The following TRMT10A variants were observed in gnomAD, a reference collection of about 807,000 sequenced individuals.
The protein encoded by TRMT10A is tRNA methyltransferase 10A.
Under a neutral mutation model 40.4 loss-of-function variants are expected in TRMT10A, and 37 were observed. The observed-to-expected ratio is 0.92, with a 90% CI of 0.71 to 1.21. The LOEUF is 1.21. TRMT10A is among the 50% of genes most tolerant of loss of function. The pLI is 0.00. For synonymous variants in TRMT10A, 103 were observed against 134.1 expected (o/e 0.77, Z 1.60); for missense variants, 388 against 404.3 (o/e 0.96, Z 0.35).
intron 1 of TRMT10A, among the ~76,000 whole-genome samples, chr4:99,560,856 C>T (rs1222779231): frequency 6.6e-6 from 1 of 152,008 alleles, no homozygotes; most frequent in African/African-American, 2.4e-5. Context: ...TAATAATATT[C>T]CAAGAGAGTA....
chr4:99,553,701 CATT>C lies in TRMT10A; in HGVS notation c.645+81_645+83del, dbSNP rs760720808. On this transcript the variant is annotated intron_variant, in intron 6 of 7. Coordinates refer to ENST00000394876, the MANE Select transcript of TRMT10A (RefSeq NM_001134665.3). The stretch of plus-strand genomic sequence containing the variant: ...TAGGCACTCAATAAAGATGAGCTAT[CATT>C]AGTATTATTGTTACTTTCAGGAAAT... 5.0e-4 allele frequency: 662 copies of C among 1,327,864 alleles called. 2 individuals carry two copies. The highest frequency in any genetic ancestry group is 8.0e-4 in the Admixed American group (35 of 43,824). The allele number at this position is 1,327,864 out of a possible 1,614,324, so 82.3% of individuals were successfully genotyped here.
chr4:99,549,301 A>G lies in TRMT10A; in HGVS notation c.807T>C (p.Phe269=), dbSNP rs778778157. 123 of 1,614,124 alleles carry G rather than the reference A, an allele frequency of 7.6e-5. No individual in the cohort carries two copies. In the East Asian group the frequency reaches 2.7e-3, roughly 35 times the overall value. Residue 269 remains phenylalanine (F), a synonymous_variant, in exon 8 of 8, where the codon TTT becomes TTC. Transcript: ENST00000394876. The part of the protein sequence containing the change: ...LETRDWQEAF[F]TILPQRKGAV... ...CTCCTTTCCGTTGGGGCAAGATAGT[A>G]AAAAATGCTTCTTGCCAGTCTCTTG...
chr4:99,562,428 GAC>G, intron 1 of TRMT10A, among the ~76,000 whole-genome samples: 1 of 149,272 alleles, frequency 6.7e-6, no homozygotes, highest in South Asian at 2.1e-4. Flanking sequence ...GTTAATTTAT[GAC>G]AGTCTCCTTT....
intron 1 of TRMT10A, among the ~76,000 whole-genome samples, chr4:99,563,046 C>A (rs181795621): frequency 6.6e-6 from 1 of 152,278 alleles, no homozygotes; most frequent in Non-Finnish European, 1.5e-5. Flanking sequence ...GTCCCGAACT[C>A]CTGACCTCAG....
chr4:99,555,912 C>T lies in TRMT10A; in HGVS notation c.495+234G>A, dbSNP rs543903324. Among the ~76,000 whole-genome samples, 7 of 152,142 alleles carry T rather than the reference C, an allele frequency of 4.6e-5. No homozygotes were observed. In the East Asian group the frequency reaches 5.8e-4, roughly 13 times the overall value. ...TTAAAATTATTTCTTTTTAAAAATACGTTTTAAAAGTTGACCATAAAATAG... is the reference window on the plus strand; with the variant it reads ...TTAAAATTATTTCTTTTTAAAAATATGTTTTAAAAGTTGACCATAAAATAG... On this transcript the variant is annotated intron_variant, in intron 5 of 7. Transcript: ENST00000394876.
At chr4:99,562,729 G>A (rs1007398786) in intron 1 of TRMT10A, among the ~76,000 whole-genome samples, 1 of 151,928 alleles carries the variant, frequency 6.6e-6, no homozygotes. Flanking sequence ...GTTTCACCAC[G>A]TTGGCCTGGA....
At chr4:99,551,613 C>A (rs1054931715) in intron 6 of TRMT10A, among the ~76,000 whole-genome samples, 5 of 151,934 alleles carry the variant, frequency 3.3e-5, no homozygotes, top group African/African-American at 1.2e-4. Flanking sequence ...ATAAATGTTA[C>A]CTGTTATGTA....
intron 1 of TRMT10A, among the ~76,000 whole-genome samples, chr4:99,559,581 T>A (rs1396707466): frequency 6.6e-6 from 1 of 152,200 alleles, no homozygotes; most frequent in Non-Finnish European, 1.5e-5. Context: ...CTACTGGTGG[T>A]CATGGTACAA....
At chr4:99,554,355 T>C (rs1315264360) in intron 5 of TRMT10A, among the ~76,000 whole-genome samples, 1 of 152,220 alleles carries the variant, frequency 6.6e-6, no homozygotes, top group African/African-American at 2.4e-5. Context: ...TACTGCCACA[T>C]ATTTGCTCAC....
chr4:99,559,496 T>C (rs1724299854), intron 1 of TRMT10A, 135 bp from the exon 2 acceptor site: 1 of 629,212 alleles, frequency 1.6e-6, no homozygotes, highest in Non-Finnish European at 2.6e-6. Flanking sequence ...GTAAATATCA[T>C]TTAAATACCA....
chr4:99,547,112 G>T lies in TRMT10A; in HGVS notation c.*1976C>A. On this transcript the variant is annotated 3_prime_UTR_variant, in exon 8 of 8. Coordinates refer to ENST00000394876, the MANE Select transcript of TRMT10A (RefSeq NM_001134665.3). ...TTGGATCATGGTGAACTCTAATCCA[G>T]TGCTGGTCTCCCTAGAAAAAGAGTT... The T allele has an allele frequency of 6.6e-6, 1 of 152,140 alleles. No individual in the cohort carries two copies. Among genetic ancestry groups the T allele is most frequent in the Non-Finnish European group, 1.5e-5 (1 of 68,026 alleles). The allele number at this position is 152,140 out of a possible 1,614,324, so 9.4% of individuals were successfully genotyped here.
intron 1 of TRMT10A, 40 bp from the exon 2 acceptor site, chr4:99,559,401 T>C: frequency 7.4e-7 from 1 of 1,343,866 alleles, no homozygotes; most frequent in South Asian, 1.5e-5. Flanking sequence ...ACAAAAAAGT[T>C]AAAAAACTCA....
At chr4:99,549,729 G>C (rs185761641) in intron 7 of TRMT10A, among the ~76,000 whole-genome samples, 1 of 152,164 alleles carries the variant, frequency 6.6e-6, no homozygotes, top group Admixed American at 6.5e-5. Flanking sequence ...TTCCTGTAAA[G>C]AGCCACTCAC....
intron 4 of TRMT10A, among the ~76,000 whole-genome samples, chr4:99,556,438 T>C (rs1724163899): frequency 6.6e-6 from 1 of 152,190 alleles, no homozygotes; most frequent in Non-Finnish European, 1.5e-5. Context: ...GTAGCTGCAG[T>C]ATCCCATTTA....
In TRMT10A at chr4:99,557,378, G is replaced by A. The variant is rs144420835; in HGVS notation, c.387C>T (p.Tyr129=). ...GATGCAGTGCCCGTCGGTTTTCTGC[G>A]TAACATCGTTGAATCTGCTTATGAA... The part of the protein sequence containing the change: ...KKLHKQIQRC[Y]AENRRALHPV... Residue 129 remains tyrosine, a synonymous_variant, in exon 4 of 8, where the codon TAC becomes TAT. Transcript: ENST00000394876. 2.4e-5 allele frequency: 39 copies of A among 1,613,450 alleles called. No homozygotes were observed. The highest frequency in any genetic ancestry group is 1.5e-4 in the African/African-American group (11 of 75,006).
intron 1 of TRMT10A, chr4:99,563,294 T>A (rs1027581401): frequency 6.6e-6 from 1 of 152,500 alleles, no homozygotes; most frequent in Non-Finnish European, 1.5e-5. Context: ...GTAGAAAAAT[T>A]CCCAAATTTA....
At chr4:99,558,314 T>C in intron 2 of TRMT10A, 103 bp from the exon 3 acceptor site, 6 of 1,049,910 alleles carry the variant, frequency 5.7e-6, no homozygotes, top group Non-Finnish European at 8.0e-6. Context: ...GGTTAAATCA[T>C]ATGAAATTGT....
At chr4:99,554,080 G>T in intron 5 of TRMT10A, 146 bp from the exon 6 acceptor site, 1 of 752,210 alleles carries the variant, frequency 1.3e-6, no homozygotes, top group Non-Finnish European at 2.1e-6. Flanking sequence ...GCATTATTTT[G>T]AATTTACTAC....
At chr4:99,551,955 A>T (rs1723982284) in intron 6 of TRMT10A, among the ~76,000 whole-genome samples, 1 of 152,068 alleles carries the variant, frequency 6.6e-6, no homozygotes, top group Non-Finnish European at 1.5e-5. Flanking sequence ...AAAGTTAAAA[A>T]ATTAAGAATA....
Sources: gnomAD v4.1 joint callset for allele counts (sites outside exome capture counted in the v4.1 genomes callset) on GRCh38, gnomAD v4.1.1 for gene constraint, MANE v1.5 for transcripts, NCBI Gene and HGNC (gene_info 2026-07-23, HGNC 2026-07-21) for gene names.